DVL1: variants seen among roughly 807,000 people sequenced by gnomAD.
DVL1 encodes the protein segment polarity protein dishevelled homolog DVL-1.
A neutral mutation model predicts 65.0 loss-of-function variants in DVL1; 49 were observed. The ratio of observed to expected loss-of-function variants is 0.75; its 90% confidence interval spans 0.60 to 0.96. DVL1 has a LOEUF of 0.96. Ranked by LOEUF, DVL1 falls within the 40% of genes least tolerant of loss-of-function variation. The probability of loss-of-function intolerance (pLI) is 0.00; values close to 1 mark genes in which losing one functional copy is unlikely to be tolerated. For missense variants in DVL1, 1,197 were observed against 1,045.4 expected (o/e 1.15, Z -2.00); for synonymous variants, 608 against 433.9 (o/e 1.40, Z -4.99).
chr1:1,338,943 A>C (rs1000310620), intron 11 of DVL1, among the ~76,000 whole-genome samples: 1 of 152,240 alleles, frequency 6.6e-6, no homozygotes, highest in Non-Finnish European at 1.5e-5. Flanking sequence ...AGAACAGGGC[A>C]GGCCCCTTCC....
intron 14 of DVL1, among the ~76,000 whole-genome samples, chr1:1,336,817 C>T (rs1296481404): frequency 6.6e-6 from 1 of 152,172 alleles, no homozygotes; most frequent in Non-Finnish European, 1.5e-5. Context: ...GACTGAGGTG[C>T]CAGCGAGGGC....
rs2100724681 is a variant in DVL1 at position 1,339,280 on chromosome 1, CACTTACGTGG to C, written c.1204_1207+6del. 1.3e-6 allele frequency: 2 copies of C among 1,548,476 alleles called. No homozygotes were observed. The highest frequency in any genetic ancestry group is 1.7e-6 in the Non-Finnish European group (2 of 1,146,864). ...TTCTGCTGGGGCCCTCAGGAGCTGC[CACTTACGTGG>C]AGCACCAGGCACGGAGCTGGTTAGT... is the stretch of plus-strand genomic sequence containing the variant. On this transcript the variant is annotated splice_donor_variant and splice_donor_5th_base_variant and coding_sequence_variant and intron_variant, in exon 11 of 15. Transcript: ENST00000378888. LOFTEE classifies it high-confidence loss of function.
intron 1 of DVL1, among the ~76,000 whole-genome samples, chr1:1,343,333 C>T (rs905619904): frequency 2.0e-5 from 3 of 151,986 alleles, no homozygotes; most frequent in African/African-American, 7.3e-5. Context: ...GCAGCAGCTG[C>T]ACCTACCGGG....
chr1:1,344,029 G>A (rs1009079488), intron 1 of DVL1, among the ~76,000 whole-genome samples: 3 of 152,172 alleles, frequency 2.0e-5, no homozygotes, highest in African/African-American at 4.8e-5. Context: ...AGTTCAGAGG[G>A]CAGGGTGGCA....
At position 1,349,012 on chromosome 1, in the gene DVL1, C is replaced by G. The variant is rs768902364; in HGVS notation, c.54G>C (p.Leu18=). The change falls in exon 1 of 15, where the codon CTG becomes CTC. Residue 18 remains leucine (L), a synonymous_variant. Coordinates refer to ENST00000378888, the MANE Select transcript of DVL1 (RefSeq NM_001330311.2). The surrounding 1 kb of genome is among the most constrained non-coding windows in gnomAD (Gnocchi z 4.1). ...GCTCGGGGGCCACGGGCAGCTTGAC[C>G]AGGTACGGCGTCTCCTCCTCGTCCA... ...YHMDEEETPY[L]VKLPVAPERV... 1.1e-5 allele frequency: 18 copies of G among 1,573,854 alleles called. No homozygotes were observed. In the South Asian group the frequency reaches 1.7e-4, roughly 15 times the overall value.
intron 5 of DVL1, among the ~76,000 whole-genome samples, chr1:1,340,976 GCA>G (rs1450643170): frequency 8.5e-6 from 1 of 117,682 alleles, no homozygotes; most frequent in Admixed American, 1.0e-4. Flanking sequence ...ACCTGCACAG[GCA>G]CACATGCACA....
chr1:1,344,498 G>A (rs920316870), intron 1 of DVL1, among the ~76,000 whole-genome samples: 3 of 152,048 alleles, frequency 2.0e-5, no homozygotes, highest in Non-Finnish European at 2.9e-5. Context: ...GGGCAGAGTG[G>A]ACAGCAGGCA....
intron 1 of DVL1, among the ~76,000 whole-genome samples, chr1:1,347,773 G>A (rs1257833150): frequency 6.6e-6 from 1 of 152,120 alleles, no homozygotes; most frequent in Non-Finnish European, 1.5e-5. Flanking sequence ...GACCGGAGCG[G>A]GCAGGAGGGC....
At chr1:1,338,722 C>T in intron 11 of DVL1, 69 bp from the exon 12 acceptor site, 1 of 1,552,862 alleles carries the variant, frequency 6.4e-7, no homozygotes, top group South Asian at 1.2e-5. Flanking sequence ...CCCTGCACCC[C>T]CAGGGGAGCC....
chr1:1,347,243 T>G (rs1643929022), intron 1 of DVL1, among the ~76,000 whole-genome samples: 1 of 152,034 alleles, frequency 6.6e-6, no homozygotes, highest in Admixed American at 6.5e-5. Flanking sequence ...CAGCCCCCTG[T>G]AAGTCTGCAG....
At chr1:1,348,771 G>A (rs1643964807) in intron 1 of DVL1, 125 bp downstream of exon 1, 2 of 823,114 alleles carry the variant, frequency 2.4e-6, no homozygotes, top group African/African-American at 3.7e-5. Context: ...GCATCTAGCG[G>A]AGGCGCGTCG....
Position 1,342,352 on chromosome 1 carries a change from G to C in DVL1, c.362+11C>G, listed in dbSNP as rs1177674896. On this transcript the variant is annotated intron_variant, in intron 3 of 14. Transcript: ENST00000378888. ...TGGGGTAGCAGGGCCCAGCGCCCACGGTGTCCTTACTGGAAGGAGGGGGGC... is the reference window on the plus strand; with the variant it reads ...TGGGGTAGCAGGGCCCAGCGCCCACCGTGTCCTTACTGGAAGGAGGGGGGC... The C allele has an allele frequency of 1.2e-5, 19 of 1,566,584 alleles. No individual in the cohort carries two copies. The highest frequency in any genetic ancestry group is 1.6e-5 in the Non-Finnish European group (19 of 1,158,558).
chr1:1,346,523 C>T (rs574929235), intron 1 of DVL1, among the ~76,000 whole-genome samples: 11 of 152,318 alleles, frequency 7.2e-5, no homozygotes, highest in South Asian at 2.1e-4. Context: ...TGCCCTCCTC[C>T]CAGCCCTGGG....
intron 5 of DVL1, among the ~76,000 whole-genome samples, chr1:1,341,189 C>T (rs559720650): frequency 6.8e-6 from 1 of 146,910 alleles, no homozygotes; most frequent in East Asian, 2.1e-4. Context: ...ACACGCACAT[C>T]TGCACACGCA....
intron 1 of DVL1, among the ~76,000 whole-genome samples, chr1:1,348,651 T>G (rs2100779806): frequency 6.6e-6 from 1 of 152,090 alleles, no homozygotes; most frequent in African/African-American, 2.4e-5. Flanking sequence ...AAGGCAGGAC[T>G]CGGGGCCGGG....
At chr1:1,346,044 G>T (rs1255077923) in intron 1 of DVL1, among the ~76,000 whole-genome samples, 1 of 152,136 alleles carries the variant, frequency 6.6e-6, no homozygotes, top group Non-Finnish European at 1.5e-5. Flanking sequence ...TAGGTGAACT[G>T]CCTGGACCCT....
At chr1:1,344,708 C>T (rs180963976) in intron 1 of DVL1, among the ~76,000 whole-genome samples, 296 of 152,300 alleles carry the variant, frequency 1.9e-3, no homozygotes, top group African/African-American at 6.8e-3. Flanking sequence ...AGGCTGAGGC[C>T]GCCACAGTGA....
In DVL1 at chr1:1,335,295, C is replaced by T. The variant is rs1377305163; in HGVS notation, c.*847G>A. ...CACATCTGTCCCATAAAATTAAACGCTTTTTAGTGTTTAAAATAAGCAGCA... is the reference window on the plus strand; with the variant it reads ...CACATCTGTCCCATAAAATTAAACGTTTTTTAGTGTTTAAAATAAGCAGCA... On this transcript the variant is annotated 3_prime_UTR_variant, in exon 15 of 15. Transcript: ENST00000378888. 6.6e-6 allele frequency: 1 copy of T among 152,280 alleles called. No individual in the cohort carries two copies. Among genetic ancestry groups the T allele is most frequent in the African/African-American group, 2.4e-5 (1 of 41,466 alleles). The allele number at this position is 152,280 out of a possible 1,614,324, so 9.4% of individuals were successfully genotyped here. A position where few individuals can be genotyped will look rare whatever the true frequency, so the allele number is the denominator to read the frequency against.
At chr1:1,338,676 CT>C in intron 11 of DVL1, 23 bp from the exon 12 acceptor site, 1 of 1,601,912 alleles carries the variant, frequency 6.2e-7, no homozygotes, top group Non-Finnish European at 8.5e-7. Flanking sequence ...GACAGCCCCG[CT>C]TCAGCCCCAG....
Sources: allele counts gnomAD v4.1 joint callset (sites outside exome capture counted in the v4.1 genomes callset), GRCh38; gene constraint gnomAD v4.1.1; non-coding constraint Gnocchi (gnomAD v3.1); transcripts MANE v1.5; gene names NCBI Gene and HGNC (gene_info 2026-07-23, HGNC 2026-07-21).